Variants in PDSS2 observed in about 807,000 individuals in gnomAD.
The protein encoded by PDSS2 is all trans-polyprenyl-diphosphate synthase PDSS2.
PDSS2 carries 31 observed loss-of-function variants against 44.5 expected under a neutral mutation model. That is an observed-to-expected ratio of 0.70 (90% CI 0.52 to 0.94). The LOEUF (loss-of-function observed/expected upper bound fraction) is 0.94, where lower values mean the gene tolerates loss of function less well. PDSS2 is among the 40% of genes least tolerant of loss of function. PDSS2 has a pLI of 0.00. For missense variants in PDSS2, 452 were observed against 482.2 expected (o/e 0.94, Z 0.59); for synonymous variants, 157 against 180.3 (o/e 0.87, Z 1.03).
At chr6:107,284,545 C>T (rs1776077559) in intron 2 of PDSS2, among the ~76,000 whole-genome samples, 2 of 151,776 alleles carry the variant, frequency 1.3e-5, no homozygotes, top group African/African-American at 4.8e-5. Context: ...CCTGTAATCC[C>T]AGCTACTCAG....
In PDSS2 at chr6:107,391,993, T is replaced by A. The variant is rs2114532158; in HGVS notation, c.297-57661A>T. On this transcript the variant is annotated intron_variant, in intron 1 of 7. Coordinates refer to ENST00000369037, the MANE Select transcript of PDSS2 (RefSeq NM_020381.4). Reference sequence around the variant, plus strand: ...TCTCTTTGCCAGGCACATTAATACATATTTTATAAAAAGGATTTTAGCCAT... The same window carrying A: ...TCTCTTTGCCAGGCACATTAATACAAATTTTATAAAAAGGATTTTAGCCAT... Among the ~76,000 whole-genome samples, 3 of 152,232 alleles carry A rather than the reference T, an allele frequency of 2.0e-5. No homozygotes were observed. The Middle Eastern group carries it at 0.01, about 518-fold the overall frequency.
rs759782018 is a variant in PDSS2, at chr6:107,212,250, C to T, written c.735G>A (p.Ser245=). 3.7e-6 allele frequency: 6 copies of T among 1,613,496 alleles called. No individual in the cohort carries two copies. The highest frequency in any genetic ancestry group is 2.2e-5 in the East Asian group (1 of 44,874). ...AGAGAAAAGTCTGCTCCTTCCAAGT[C>T]GATATTCCAATATCATCTGTGATAT... ...ESYITDDIGI[S]TWKEQTFLSH... The change falls in exon 5 of 8, where the codon TCG becomes TCA. Residue 245 remains serine (S), a synonymous_variant. Coordinates refer to ENST00000369037, the MANE Select transcript of PDSS2 (RefSeq NM_020381.4).
chr6:107,320,222 G>C (rs1777340060), intron 2 of PDSS2, among the ~76,000 whole-genome samples: 1 of 152,134 alleles, frequency 6.6e-6, no homozygotes, highest in South Asian at 2.1e-4. Context: ...AACTTGTTTT[G>C]CGTCGCAGTT....
chr6:107,411,471 T>G (rs1780491522), intron 1 of PDSS2, among the ~76,000 whole-genome samples: 2 of 152,342 alleles, frequency 1.3e-5, no homozygotes, highest in African/African-American at 4.8e-5. Context: ...TCTTTTTTAT[T>G]TTAGGTAAGG....
chr6:107,406,003 C>T (rs967851725), intron 1 of PDSS2, among the ~76,000 whole-genome samples: 1 of 152,076 alleles, frequency 6.6e-6, no homozygotes, highest in African/African-American at 2.4e-5. Context: ...TAGCACTATG[C>T]AATATATCCA....
chr6:107,259,864 G>C (rs748439578), intron 3 of PDSS2, among the ~76,000 whole-genome samples: 1 of 152,140 alleles, frequency 6.6e-6, no homozygotes, highest in Non-Finnish European at 1.5e-5. Flanking sequence ...ATCCCCAAGA[G>C]TGTAGCTAAA....
chr6:107,209,247 G>A (rs954963619), intron 6 of PDSS2, among the ~76,000 whole-genome samples: 11 of 152,042 alleles, frequency 7.2e-5, no homozygotes, highest in African/African-American at 2.4e-4. Context: ...ATGCCCAGTG[G>A]TCCTCTTTTC....
At chr6:107,348,475 G>T (rs1258723753) in intron 1 of PDSS2, among the ~76,000 whole-genome samples, 1 of 152,194 alleles carries the variant, frequency 6.6e-6, no homozygotes, top group Non-Finnish European at 1.5e-5. Flanking sequence ...TGGAACTCAG[G>T]AGTGAAACAA....
At chr6:107,172,099 C>A (rs1197988502) in intron 7 of PDSS2, among the ~76,000 whole-genome samples, 5 of 152,096 alleles carry the variant, frequency 3.3e-5, no homozygotes, top group South Asian at 2.1e-4. Flanking sequence ...AAGTCCAAAT[C>A]CCCTGCTAGG....
At chr6:107,384,717 T>C (rs951170602) in intron 1 of PDSS2, among the ~76,000 whole-genome samples, 2 of 151,776 alleles carry the variant, frequency 1.3e-5, no homozygotes, top group African/African-American at 4.8e-5. Context: ...TTTTATGGTA[T>C]GTAAATTGTA....
intron 1 of PDSS2, among the ~76,000 whole-genome samples, chr6:107,402,098 A>G (rs56930756): frequency 0.018 from 2,791 of 151,994 alleles, 73 homozygotes; most frequent in East Asian, 0.12. Flanking sequence ...GGTCAACATG[A>G]TGAAACCCCA....
At chr6:107,429,349 A>G (rs1235358376) in intron 1 of PDSS2, among the ~76,000 whole-genome samples, 1 of 152,174 alleles carries the variant, frequency 6.6e-6, no homozygotes, top group Non-Finnish European at 1.5e-5. Context: ...ACTCTATAAT[A>G]CAACATACAA....
chr6:107,297,517 G>A (rs952225304), intron 2 of PDSS2, among the ~76,000 whole-genome samples: 3 of 151,534 alleles, frequency 2.0e-5, no homozygotes, highest in South Asian at 4.2e-4. Flanking sequence ...CGAGTAGCTG[G>A]GGTTACAGGC....
At chr6:107,398,300 T>C (rs1448242349) in intron 1 of PDSS2, among the ~76,000 whole-genome samples, 1 of 152,228 alleles carries the variant, frequency 6.6e-6, no homozygotes, top group Non-Finnish European at 1.5e-5. Context: ...AGTAAAGTGT[T>C]ACAAAATACA....
intron 1 of PDSS2, among the ~76,000 whole-genome samples, chr6:107,343,265 T>A (rs1778135933): frequency 6.6e-6 from 1 of 150,696 alleles, no homozygotes; most frequent in African/African-American, 2.4e-5. Context: ...CCTAGTTAAA[T>A]TTTTTTTTTC....
chr6:107,349,257 C>T (rs2430471), intron 1 of PDSS2, among the ~76,000 whole-genome samples: 53,851 of 151,674 alleles, frequency 0.36, 9,867 homozygotes, highest in Middle Eastern at 0.51. Flanking sequence ...ACGGTGAAAC[C>T]CCGTCTCTAC....
At chr6:107,212,398 G>T in intron 4 of PDSS2, 116 bp from the exon 5 acceptor site, 1 of 754,188 alleles carries the variant, frequency 1.3e-6, no homozygotes. Flanking sequence ...CAGGCTATTG[G>T]AACAAGACAG....
chr6:107,451,039 C>T (rs187781540), intron 1 of PDSS2, among the ~76,000 whole-genome samples: 25 of 152,246 alleles, frequency 1.6e-4, no homozygotes, highest in African/African-American at 6.0e-4. Context: ...GCCACATTGC[C>T]CAGGCTGGTC....
At chr6:107,445,971 GCT>G (rs1304449725) in intron 1 of PDSS2, among the ~76,000 whole-genome samples, 1 of 152,026 alleles carries the variant, frequency 6.6e-6, no homozygotes, top group Non-Finnish European at 1.5e-5. Flanking sequence ...TCTCGTGCAT[GCT>G]CTCTCTCTTT....
Sources: allele counts gnomAD v4.1 joint callset (sites outside exome capture counted in the v4.1 genomes callset), GRCh38; gene constraint gnomAD v4.1.1; transcripts MANE v1.5; gene names NCBI Gene and HGNC (gene_info 2026-07-23, HGNC 2026-07-21).